CADM2: variants seen among roughly 807,000 people sequenced by gnomAD.
CADM2 encodes immunoglobulin superfamily member 4D.
A neutral mutation model predicts 49.8 loss-of-function variants in CADM2; 12 were observed. The observed-to-expected ratio is 0.24, with a 90% CI of 0.15 to 0.39. The LOEUF is 0.39. Ranked by LOEUF, CADM2 falls within the 10% of genes least tolerant of loss-of-function variation. The probability of loss-of-function intolerance (pLI) is 1.00; values close to 1 mark genes in which losing one functional copy is unlikely to be tolerated. For missense variants in CADM2, 378 were observed against 492.3 expected, an observed-to-expected ratio of 0.77 and a Z score of 2.20; for synonymous variants, 214 against 175.4, an observed-to-expected ratio of 1.22 and a Z score of -1.74.
At chr3:85,519,431 G>C (rs1055229828) in intron 1 of CADM2, among the ~76,000 whole-genome samples, 12 of 151,824 alleles carry the variant, frequency 7.9e-5, no homozygotes, top group Non-Finnish European at 1.2e-4. Context: ...TATCGTTATA[G>C]CAATCATAAA....
rs2037247360 is a variant in CADM2, at chr3:85,442,451, G to A, written c.62-284071G>A. On this transcript the variant is annotated intron_variant, in intron 1 of 9. Coordinates refer to ENST00000383699, the MANE Select transcript of CADM2 (RefSeq NM_001167675.2). ...TTGATTTGTATATTAACAAGTACAT[G>A]TACATTTATTACAAAGAAAAATAAT... is the stretch of plus-strand genomic sequence containing the variant. Among the ~76,000 whole-genome samples, 6 of 137,288 alleles carry A rather than the reference G, an allele frequency of 4.4e-5. No individual in the cohort carries two copies. The Admixed American group carries it at 4.7e-4, about 11-fold the overall frequency. The allele number at this position is 137,288 out of a possible 152,430, so 90.1% of individuals were successfully genotyped here. A position where few individuals can be genotyped will look rare whatever the true frequency, so the allele number is the denominator to read the frequency against.
chr3:85,556,450 G>A (rs1018586004), intron 1 of CADM2, among the ~76,000 whole-genome samples: 3 of 152,034 alleles, frequency 2.0e-5, no homozygotes, highest in East Asian at 1.9e-4. Context: ...AAAATTTAAC[G>A]TCAAAAACTA....
chr3:85,938,250 A>T (rs1721421996), intron 7 of CADM2, among the ~76,000 whole-genome samples: 1 of 152,120 alleles, frequency 6.6e-6, no homozygotes, highest in African/African-American at 2.4e-5. Flanking sequence ...GATGAGGCAG[A>T]AAGGACAAAA....
intron 1 of CADM2, among the ~76,000 whole-genome samples, chr3:85,541,774 T>TATA (rs1559897728): frequency 6.6e-4 from 8 of 12,152 alleles, no homozygotes; most frequent in East Asian, 7.1e-3. Context: ...TATTTTATAT[T>TATA]TTATATATAT....
At chr3:85,338,835 G>C (rs1195384432) in intron 1 of CADM2, among the ~76,000 whole-genome samples, 1 of 151,468 alleles carries the variant, frequency 6.6e-6, no homozygotes, top group Non-Finnish European at 1.5e-5. Flanking sequence ...TTTAGTTACA[G>C]TAGTATAAAG....
intron 5 of CADM2, among the ~76,000 whole-genome samples, chr3:85,911,102 TTA>T (rs1357037114): frequency 1.3e-5 from 2 of 152,146 alleles, no homozygotes; most frequent in Non-Finnish European, 2.9e-5. Flanking sequence ...GTGAAAGGTC[TTA>T]TTTACTGACA....
chr3:85,980,051 AT>A (rs1158840081), intron 8 of CADM2, among the ~76,000 whole-genome samples: 1 of 151,472 alleles, frequency 6.6e-6, no homozygotes, highest in Non-Finnish European at 1.5e-5. Context: ...TGATGAGGAA[AT>A]TAAAAAAAAA....
intron 1 of CADM2, among the ~76,000 whole-genome samples, chr3:85,347,037 A>G (rs1177110979): frequency 6.6e-6 from 1 of 152,080 alleles, no homozygotes; most frequent in African/African-American, 2.4e-5. Context: ...AGCCTGGCCA[A>G]CATGGCGAAA....
At chr3:85,871,665 CAGAT>C (rs1389916616) in intron 3 of CADM2, among the ~76,000 whole-genome samples, 2 of 152,108 alleles carry the variant, frequency 1.3e-5, no homozygotes, top group African/African-American at 4.8e-5. Context: ...AATGTTTTGT[CAGAT>C]AGTGCATACT....
chr3:85,193,546 C>T (rs1361801411), intron 1 of CADM2, among the ~76,000 whole-genome samples: 1 of 152,034 alleles, frequency 6.6e-6, no homozygotes, highest in Non-Finnish European at 1.5e-5. Context: ...ACATTATGCC[C>T]ACATTTTATT....
At chr3:85,169,677 C>T (rs2040567708) in intron 1 of CADM2, among the ~76,000 whole-genome samples, 1 of 152,074 alleles carries the variant, frequency 6.6e-6, no homozygotes, top group African/African-American at 2.4e-5. Flanking sequence ...GAGGCTGAGG[C>T]AGGAGAATTG....
rs766342562 is a variant in CADM2, at chr3:85,726,526, T to G, written c.66T>G (p.Ala22=). Residue 22 remains alanine (A), a synonymous_variant, in exon 2 of 10, where the codon GCT becomes GCG. Coordinates refer to ENST00000383699, the MANE Select transcript of CADM2 (RefSeq NM_001167675.2). ...YSVCGLLLQA[A]ASKNKVKGSQ... ...GCAACCTTTCCTTGGTACCAGCGGCTGCTTCAAAGAATAAAGTTAAAGGTG... is the reference window on the plus strand; with the variant it reads ...GCAACCTTTCCTTGGTACCAGCGGCGGCTTCAAAGAATAAAGTTAAAGGTG... The G allele has an allele frequency of 5.0e-6, 8 of 1,612,366 alleles. No individual in the cohort carries two copies. In the African/African-American group the frequency reaches 9.3e-5, roughly 19 times the overall value.
chr3:85,896,618 A>G (rs1321643706), intron 5 of CADM2, among the ~76,000 whole-genome samples: 1 of 152,190 alleles, frequency 6.6e-6, no homozygotes, highest in Non-Finnish European at 1.5e-5. Context: ...CCATCATTCT[A>G]TAAGCATTAT....
intron 1 of CADM2, among the ~76,000 whole-genome samples, chr3:85,596,276 A>G (rs2063236661): frequency 6.6e-6 from 1 of 151,938 alleles, no homozygotes; most frequent in South Asian, 2.1e-4. Flanking sequence ...CTCTAAGGGA[A>G]GAAATTACTA....
chr3:84,973,446 A>T (rs2031604978), intron 1 of CADM2, among the ~76,000 whole-genome samples: 1 of 151,848 alleles, frequency 6.6e-6, no homozygotes, highest in African/African-American at 2.4e-5. Flanking sequence ...CTTTATTTTT[A>T]TTATTGTTAA....
chr3:84,969,586 G>T (rs1437798664), intron 1 of CADM2, among the ~76,000 whole-genome samples: 1 of 150,672 alleles, frequency 6.6e-6, no homozygotes, highest in Non-Finnish European at 1.5e-5. Context: ...TCTTTAATTG[G>T]ATCTAGATAA....
chr3:85,949,758 AAG>A (rs1723215237), intron 7 of CADM2, among the ~76,000 whole-genome samples: 3 of 151,190 alleles, frequency 2.0e-5, no homozygotes, highest in Non-Finnish European at 3.0e-5. Context: ...CATGAAGCAG[AAG>A]CAGTAGTATA....
At chr3:85,001,687 G>A (rs2033471349) in intron 1 of CADM2, among the ~76,000 whole-genome samples, 1 of 151,920 alleles carries the variant, frequency 6.6e-6, no homozygotes, top group Non-Finnish European at 1.5e-5. Flanking sequence ...TGGGATCAAA[G>A]ATATGAAACG....
At chr3:85,132,626 T>TTA (rs553131352) in intron 1 of CADM2, among the ~76,000 whole-genome samples, 3,143 of 146,846 alleles carry the variant, frequency 0.021, 49 homozygotes, top group African/African-American at 0.044. Flanking sequence ...CAAGGATATA[T>TTA]TATATATATA....
Sources: allele counts gnomAD v4.1 joint callset (sites outside exome capture counted in the v4.1 genomes callset), GRCh38; gene constraint gnomAD v4.1.1; transcripts MANE v1.5; gene names NCBI Gene and HGNC (gene_info 2026-07-23, HGNC 2026-07-21).